The following MAP3K6 variants were observed in gnomAD, a reference collection of about 807,000 sequenced individuals.
MAP3K6 encodes mitogen-activated protein kinase kinase kinase 6, also known as apoptosis signal-regulating kinase 2.
MAP3K6 carries 105 observed loss-of-function variants against 147.1 expected under a neutral mutation model. The observed-to-expected ratio is 0.71, with a 90% CI of 0.61 to 0.84. The LOEUF (loss-of-function observed/expected upper bound fraction) is 0.84. Among genes scored for constraint, MAP3K6 ranks in the 40% least tolerant of loss-of-function variants. MAP3K6 has a pLI of 0.00. For missense variants in MAP3K6, 1,569 were observed against 1,715.0 expected (o/e 0.91, Z 1.50); for synonymous variants, 695 against 732.4 (o/e 0.95, Z 0.82).
intron 11 of MAP3K6, 58 bp from the exon 12 acceptor site, chr1:27,361,453 A>T (rs1307487800): frequency 2.5e-6 from 4 of 1,611,564 alleles, no homozygotes; most frequent in East Asian, 4.5e-5. Flanking sequence ...GGGTCTGAGG[A>T]TGGGAGAAAG....
rs770636624 is a variant in MAP3K6, at chr1:27,357,573, C to G, written c.3085G>C (p.Ala1029Pro). Residue 1029 changes from alanine to proline, a missense_variant, in exon 23 of 29, where the codon GCC (alanine) becomes CCC (proline). Physicochemically the swap from Ala to Pro is conservative, Grantham distance 27. Transcript: ENST00000357582. Reference protein sequence around the residue: ...LHQEQKQEQGARLGRNHVEEL... With the variant: ...LHQEQKQEQGPRLGRNHVEEL... ...TCCACATGGTTTCTGCCCAGACGGG[C>G]CCCCTGAGAAGGAAGAGAGGGGTTG... 5.0e-6 allele frequency: 8 copies of G among 1,606,508 alleles called. No individual in the cohort carries two copies. In the Admixed American group the frequency reaches 1.0e-4, roughly 20 times the overall value.
chr1:27,358,868 T>G lies in MAP3K6; in HGVS notation c.2426-2A>C. 1 of 1,559,996 alleles carries G rather than the reference T, an allele frequency of 6.4e-7. No individual in the cohort carries two copies. The highest frequency in any genetic ancestry group is 8.7e-7 in the Non-Finnish European group (1 of 1,152,582). On this transcript the variant is annotated splice_acceptor_variant, in intron 18 of 28. Transcript: ENST00000357582. LOFTEE classifies it high-confidence loss of function. The surrounding 1 kb of genome is among the most constrained non-coding windows in gnomAD (Gnocchi z 6.2). ...CTGGGGCCATATACTGCAGAGTTCC[T>G]AGGACAGAAACAGGAGCACCAATGC... is the stretch of plus-strand genomic sequence containing the variant.
Position 27,364,611 on chromosome 1 carries a change from C to T in MAP3K6, c.504+50G>A. 6.2e-7 allele frequency: 1 copy of T among 1,613,686 alleles called. No individual in the cohort carries two copies. The highest frequency in any genetic ancestry group is 8.5e-7 in the Non-Finnish European group (1 of 1,179,616). Reference sequence around the variant, plus strand: ...AGGGGGATTAGTGGAGGTCAGAGGTCATAGCGGAAGTCAAAGGGCACTTTT... The same window carrying T: ...AGGGGGATTAGTGGAGGTCAGAGGTTATAGCGGAAGTCAAAGGGCACTTTT... On this transcript the variant is annotated intron_variant, in intron 3 of 28. Coordinates refer to ENST00000357582, the MANE Select transcript of MAP3K6 (RefSeq NM_004672.5). The surrounding 1 kb of genome is among the most constrained non-coding windows in gnomAD (Gnocchi z 4.4).
rs764783731 is a variant in MAP3K6, at chr1:27,357,044, C to A, written c.3329G>T (p.Arg1110Leu). 8.7e-6 allele frequency: 14 copies of A among 1,613,922 alleles called. No homozygotes were observed. The South Asian group carries it at 1.5e-4, about 18-fold the overall frequency. The change falls in exon 24 of 29, where the codon CGT becomes CTT. Residue 1110 changes from arginine (R) to leucine (L), a missense_variant. By Grantham distance (102) the Arg-to-Leu change is moderately radical. Coordinates refer to ENST00000357582, the MANE Select transcript of MAP3K6 (RefSeq NM_004672.5). ...CACACCCAGGGCTGCCCGCACAGCA[C>A]GGCTGAGCAGTGAGTCCAGAACGAA... ...WMFVLDSLLSRAVRAALGVLG... is the reference protein window; with the variant it reads ...WMFVLDSLLSLAVRAALGVLG...
At chr1:27,361,302 C>A in intron 12 of MAP3K6, 44 bp downstream of exon 12, 6 of 1,613,776 alleles carry the variant, frequency 3.7e-6, no homozygotes, top group Non-Finnish European at 5.1e-6. Flanking sequence ...TGGCAGCGAC[C>A]CTCACCTCCC....
rs1231113010 is a variant in MAP3K6, at chr1:27,361,773, A to G, written c.1510T>C (p.Trp504Arg). The change falls in exon 10 of 29, where the codon TGG becomes CGG. Residue 504 changes from tryptophan (W) to arginine (R), a missense_variant. Coordinates refer to ENST00000357582, the MANE Select transcript of MAP3K6 (RefSeq NM_004672.5). ...PGGPPRRAHF[W>R]LHFLLQSCQP... is the part of the protein sequence containing the mutation. ...CAGGACTGTAGCAAGAAGTGGAGCC[A>G]GAAGTGGGCACGGCGTGGTGGCCCT... The G allele has an allele frequency of 6.2e-7, 1 of 1,613,048 alleles. No individual in the cohort carries two copies.
intron 28 of MAP3K6, 31 bp downstream of exon 28, chr1:27,355,638 A>G (rs753301243): frequency 7.4e-6 from 12 of 1,611,942 alleles, no homozygotes; most frequent in Admixed American, 1.7e-5. Context: ...GGCCATATGC[A>G]TGGTTCACAC....
rs2015686589 is a variant in MAP3K6 at position 27,359,997 on chromosome 1, G to C, written c.2183-3C>G. Reference sequence around the variant, plus strand: ...CCGCAGCAAGGAGGACAGGCTGCCTGGGTGGGGACAGTCCAAGTTCATTCT... The same window carrying C: ...CCGCAGCAAGGAGGACAGGCTGCCTCGGTGGGGACAGTCCAAGTTCATTCT... On this transcript the variant is annotated splice_polypyrimidine_tract_variant and splice_region_variant and intron_variant, in intron 16 of 28. Transcript: ENST00000357582. The surrounding 1 kb of genome is among the most constrained non-coding windows in gnomAD (Gnocchi z 4.4). 1 of 1,613,842 alleles carries C rather than the reference G, an allele frequency of 6.2e-7. No homozygotes were observed.
Position 27,357,820 on chromosome 1 carries a change from A to G in MAP3K6, c.2972T>C (p.Leu991Pro). 1 of 1,603,878 alleles carries G rather than the reference A, an allele frequency of 6.2e-7. No individual in the cohort carries two copies. The highest frequency in any genetic ancestry group is 8.5e-7 in the Non-Finnish European group (1 of 1,177,116). The change falls in exon 22 of 29, where the codon CTG becomes CCG. Residue 991 changes from leucine to proline, a missense_variant. By Grantham distance (98) the Leu-to-Pro change is moderately conservative. Transcript: ENST00000357582. ...EPASPEESSG[L>P]SLLHQESKRR... ...CTTGCTCTCCTGGTGCAGCAGGCTCAGCCCCGAACTCTCCTCCGGAGACGC... is the reference window on the plus strand; with the variant it reads ...CTTGCTCTCCTGGTGCAGCAGGCTCGGCCCCGAACTCTCCTCCGGAGACGC...
Position 27,366,253 on chromosome 1 carries a change from C to A in MAP3K6, c.340+5G>T. ...CGGATCCGGCCCCGCCCCCAGCGCT[C>A]TCACCCGCGTTGTAGAAGGCATCCA... On this transcript the variant is annotated splice_donor_5th_base_variant and intron_variant, in intron 1 of 28. Transcript: ENST00000357582. This position sits in a 1 kb window ranked among gnomAD's most constrained non-coding sequence, Gnocchi z 5.5. 1 of 1,319,102 alleles carries A rather than the reference C, an allele frequency of 7.6e-7. No homozygotes were observed. The highest frequency in any genetic ancestry group is 2.0e-5 in the South Asian group (1 of 49,430). The allele number at this position is 1,319,102 out of a possible 1,614,324, so 81.7% of individuals were successfully genotyped here.
intron 1 of MAP3K6, among the ~76,000 whole-genome samples, chr1:27,365,940 G>GC (rs2015962855): frequency 6.8e-5 from 3 of 44,378 alleles, no homozygotes; most frequent in African/African-American, 1.8e-4. Context: ...TCCCCGCCCC[G>GC]CCCCAGAGTT....
Position 27,357,770 on chromosome 1 carries a change from A to G in MAP3K6, c.3022T>C (p.Leu1008=), listed in dbSNP as rs1221630644. 1.9e-6 allele frequency: 3 copies of G among 1,611,262 alleles called. No homozygotes were observed. The highest frequency in any genetic ancestry group is 3.3e-5 in the Admixed American group (2 of 59,866). The change falls in exon 22 of 29, where the codon TTG becomes CTG. Residue 1008 remains leucine (L), a synonymous_variant. Transcript: ENST00000357582. ...GCCAGCGCTGGCAGCTCCTGCTCCA[A>G]TACTGCGGCCAGCATGGCCCGACGC... ...SKRRAMLAAV[L]EQELPALAEN... is the part of the protein sequence containing the mutation.
At position 27,357,121 on chromosome 1, in the gene MAP3K6, G is replaced by C. The variant is rs552464579; in HGVS notation, c.3259-7C>G. On this transcript the variant is annotated splice_region_variant and splice_polypyrimidine_tract_variant and intron_variant, in intron 23 of 28. Coordinates refer to ENST00000357582, the MANE Select transcript of MAP3K6 (RefSeq NM_004672.5). ...TGCGGAGGATCTGCTTCACCTGCAG[G>C]GGGAGGGAGGCGCCGCTGAGACAGC... 12 of 1,611,158 alleles carry C rather than the reference G, an allele frequency of 7.4e-6. No homozygotes were observed. In the Admixed American group the frequency reaches 8.3e-5, roughly 11 times the overall value.
chr1:27,359,861 T>C lies in MAP3K6; in HGVS notation c.2316A>G (p.Ile772Met). The C allele has an allele frequency of 6.2e-7, 1 of 1,614,136 alleles. No individual in the cohort carries two copies. The highest frequency in any genetic ancestry group is 8.5e-7 in the Non-Finnish European group (1 of 1,180,010). The change falls in exon 17 of 29, where the codon ATA becomes ATG. Residue 772 changes from isoleucine to methionine, a missense_variant. Coordinates refer to ENST00000357582, the MANE Select transcript of MAP3K6 (RefSeq NM_004672.5). The surrounding 1 kb of genome is among the most constrained non-coding windows in gnomAD (Gnocchi z 4.4). ...GCGGGCCAGCCCCAGGGCTTACTTTTATGTCCCTGTGCACGATGTGGTTGT... is the reference window on the plus strand; with the variant it reads ...GCGGGCCAGCCCCAGGGCTTACTTTCATGTCCCTGTGCACGATGTGGTTGT... ...LHDNHIVHRD[I>M]KGDNVLINTF...
chr1:27,361,204 C>A lies in MAP3K6; in HGVS notation c.1785G>T (p.Pro595=), dbSNP rs143793155. ...GGAAGCACAGCTGGACGTCCTGAGC[C>A]GGGGGGAGTGCATAGAGGAAGCAGC... is the stretch of plus-strand genomic sequence containing the variant. ...ERCCFLYALP[P]AQDVQLCFPS... Residue 595 remains proline (P), a synonymous_variant, in exon 13 of 29, where the codon CCG becomes CCT. Transcript: ENST00000357582. 1 of 1,613,004 alleles carries A rather than the reference C, an allele frequency of 6.2e-7. No individual in the cohort carries two copies. The highest frequency in any genetic ancestry group is 1.3e-5 in the African/African-American group (1 of 75,062).
rs771362463 is a variant in MAP3K6 at position 27,358,460 on chromosome 1, CTCCTTTTCCCAGGCTGCAGGAAGGGG to C, written c.2709_2734del (p.Asp903GlufsTer226). On this transcript the variant is annotated frameshift_variant, in exon 20 of 29. Transcript: ENST00000357582. LOFTEE classifies it high-confidence loss of function. The surrounding 1 kb of genome is among the most constrained non-coding windows in gnomAD (Gnocchi z 6.2). ...ATGTCGTGGGGAGCTGGGGCTGCGG[CTCCTTTTCCCAGGCTGCAGGAAGGGG>C]TCCCCCAGCAGTGTCTGGGCGCTGG... 2 of 1,593,800 alleles carry C rather than the reference CTCCTTTTCCCAGGCTGCAGGAAGGGG, an allele frequency of 1.3e-6. No individual in the cohort carries two copies. Among genetic ancestry groups the C allele is most frequent in the Non-Finnish European group, 1.7e-6 (2 of 1,174,350 alleles).
intron 1 of MAP3K6, 122 bp from the exon 2 acceptor site, chr1:27,365,034 G>A: frequency 9.8e-7 from 1 of 1,024,300 alleles, no homozygotes; most frequent in Non-Finnish European, 1.4e-6. Flanking sequence ...TTCTGCTTTG[G>A]GCTTCAGTCG....
At position 27,359,591 on chromosome 1, in the gene MAP3K6, T is replaced by C; in HGVS notation, c.2320-69A>G. On this transcript the variant is annotated intron_variant, in intron 17 of 28. Transcript: ENST00000357582. This position sits in a 1 kb window ranked among gnomAD's most constrained non-coding sequence, Gnocchi z 4.4. The stretch of plus-strand genomic sequence containing the variant: ...GCAGAAGTAGACCCTCTTTCTGGGA[T>C]CCCATCTCCTGGAGATCCCAGCCTG... 1 of 1,599,954 alleles carries C rather than the reference T, an allele frequency of 6.3e-7. No homozygotes were observed. The highest frequency in any genetic ancestry group is 8.5e-7 in the Non-Finnish European group (1 of 1,172,022).
Position 27,358,754 on chromosome 1 carries a change from G to A in MAP3K6, c.2538C>T (p.Arg846=), listed in dbSNP as rs745361007. The stretch of plus-strand genomic sequence containing the variant: ...GGCTCCCGAGCTCGTGGAAGGGGGG[G>A]CGACCTGTGGCCATCTCAATGACAG... ...GCTVIEMATG[R]PPFHELGSPQ... Residue 846 remains arginine (R), a synonymous_variant, in exon 19 of 29, where the codon CGC becomes CGT. Coordinates refer to ENST00000357582, the MANE Select transcript of MAP3K6 (RefSeq NM_004672.5). This position sits in a 1 kb window ranked among gnomAD's most constrained non-coding sequence, Gnocchi z 6.2. 4 of 1,613,952 alleles carry A rather than the reference G, an allele frequency of 2.5e-6. No individual in the cohort carries two copies. Among genetic ancestry groups the A allele is most frequent in the South Asian group, 2.2e-5 (2 of 91,076 alleles).
Sources: gnomAD v4.1 joint callset for allele counts (sites outside exome capture counted in the v4.1 genomes callset) on GRCh38, gnomAD v4.1.1 for gene constraint, Gnocchi (gnomAD v3.1) non-coding constraint, MANE v1.5 for transcripts, NCBI Gene and HGNC (gene_info 2026-07-23, HGNC 2026-07-21) for gene names.